The following TNRC6B variants were observed in gnomAD, a reference collection of about 807,000 sequenced individuals.
TNRC6B encodes trinucleotide repeat-containing gene 6B protein.
TNRC6B carries 52 observed loss-of-function variants against 203.6 expected under a neutral mutation model. The ratio of observed to expected loss-of-function variants is 0.26; its 90% CI spans 0.20 to 0.32. The LOEUF (loss-of-function observed/expected upper bound fraction) is 0.32, where lower values mean the gene tolerates loss of function less well. TNRC6B is among the 10% of genes least tolerant of loss of function. The pLI is 1.00. For synonymous variants in TNRC6B, 838 were observed against 845.7 expected, an observed-to-expected ratio of 0.99 and a Z score of 0.16; for missense variants, 1,923 against 2,286.2, an observed-to-expected ratio of 0.84 and a Z score of 3.24.
At chr22:40,058,183 G>A (rs1349549851) in intron 1 of TNRC6B, among the ~76,000 whole-genome samples, 6 of 152,130 alleles carry the variant, frequency 3.9e-5, no homozygotes, top group African/African-American at 1.4e-4. Flanking sequence ...CCATACCCCA[G>A]TATGTAGCCA....
At chr22:40,100,703 C>T (rs540343104) in intron 1 of TNRC6B, among the ~76,000 whole-genome samples, 2 of 152,262 alleles carry the variant, frequency 1.3e-5, no homozygotes, top group African/African-American at 4.8e-5. Flanking sequence ...CATTTTGTTT[C>T]AGGGACTTAA....
At chr22:40,141,625 A>G (rs1477603599) in intron 3 of TNRC6B, among the ~76,000 whole-genome samples, 2 of 152,118 alleles carry the variant, frequency 1.3e-5, no homozygotes, top group African/African-American at 4.8e-5. Flanking sequence ...AGAGAATTTT[A>G]AAAATTCACT....
intron 1 of TNRC6B, among the ~76,000 whole-genome samples, chr22:40,202,655 C>G (rs754459423): frequency 6.6e-6 from 1 of 152,080 alleles, no homozygotes; most frequent in Non-Finnish European, 1.5e-5. Context: ...CATAGCTTCA[C>G]GAAGACCAAA....
intron 19 of TNRC6B, among the ~76,000 whole-genome samples, chr22:40,314,978 C>T (rs993889009): frequency 1.3e-5 from 2 of 152,172 alleles, no homozygotes; most frequent in African/African-American, 4.8e-5. Flanking sequence ...AAGACTTTCT[C>T]CTTGAATGTG....
At chr22:40,186,866 GT>G (rs985265586) in intron 1 of TNRC6B, among the ~76,000 whole-genome samples, 6 of 151,522 alleles carry the variant, frequency 4.0e-5, no homozygotes, top group South Asian at 2.1e-4. Flanking sequence ...AACATTTTAC[GT>G]TTTTTTTGTA....
intron 3 of TNRC6B, among the ~76,000 whole-genome samples, chr22:40,256,459 A>C (rs184657902): frequency 3.3e-5 from 5 of 152,194 alleles, no homozygotes; most frequent in Non-Finnish European, 7.3e-5. Flanking sequence ...CTCACTGCCA[A>C]CTTTTTTGTA....
At chr22:40,103,075 CAAAAT>C (rs1201169331) in intron 1 of TNRC6B, among the ~76,000 whole-genome samples, 2 of 150,890 alleles carry the variant, frequency 1.3e-5, no homozygotes, top group African/African-American at 2.4e-5. Flanking sequence ...GAGTCTGTCT[CAAAAT>C]AAATAAATAA....
chr22:40,201,337 G>A (rs2069409454), intron 1 of TNRC6B, among the ~76,000 whole-genome samples: 1 of 152,116 alleles, frequency 6.6e-6, no homozygotes, highest in Non-Finnish European at 1.5e-5. Flanking sequence ...TGAGCAGTAT[G>A]AGATAAATAC....
At chr22:40,281,834 C>T (rs1346433670) in intron 11 of TNRC6B, among the ~76,000 whole-genome samples, 2 of 152,158 alleles carry the variant, frequency 1.3e-5, no homozygotes, top group Admixed American at 6.5e-5. Flanking sequence ...ATTGCTGAGA[C>T]ACAGCAGTGT....
chr22:40,263,168 T>C (rs527671906), intron 4 of TNRC6B, among the ~76,000 whole-genome samples: 3 of 152,312 alleles, frequency 2.0e-5, no homozygotes, highest in East Asian at 3.9e-4. Context: ...TTTGGGGTGA[T>C]ATTAAAATTC....
At chr22:40,062,743 G>T (rs1250389391) in intron 1 of TNRC6B, among the ~76,000 whole-genome samples, 1 of 151,936 alleles carries the variant, frequency 6.6e-6, no homozygotes, top group African/African-American at 2.4e-5. Flanking sequence ...GCACTTATTG[G>T]CTATTTGTAT....
rs143030815 is a variant in TNRC6B at position 40,212,296 on chromosome 22, G to T, written c.6-33719G>T. Among the ~76,000 whole-genome samples the T allele has an allele frequency of 4.6e-3, 694 of 152,336 alleles. 5 individuals carry two copies. Among genetic ancestry groups the T allele is most frequent in the African/African-American group, 0.016 (664 of 41,574 alleles). On this transcript the variant is annotated intron_variant, in intron 1 of 22. Transcript: ENST00000454349. Reference sequence around the variant, plus strand: ...ACATCTGTGACCTTGGACCCTGTCAGACATGCCCTGCCCACTGCATCCCTT... The same window carrying T: ...ACATCTGTGACCTTGGACCCTGTCATACATGCCCTGCCCACTGCATCCCTT...
Position 40,333,646 on chromosome 22 carries a change from C to G in TNRC6B, c.*10405C>G, listed in dbSNP as rs949350059. ...CATAGCCTTGTCACTTTGTTATGCT[C>G]TGGAAATGTACTGATTTCTTACTTG... On this transcript the variant is annotated 3_prime_UTR_variant, in exon 23 of 23. Coordinates refer to ENST00000454349, the MANE Select transcript of TNRC6B (RefSeq NM_001162501.2). 6.6e-6 allele frequency: 1 copy of G among 152,594 alleles called. No individual in the cohort carries two copies. Among genetic ancestry groups the G allele is most frequent in the Non-Finnish European group, 1.5e-5 (1 of 68,036 alleles). 9.5% of individuals were successfully genotyped at this position (152,594 alleles called of 1,614,324 possible). A position where few individuals can be genotyped will look rare whatever the true frequency, so the allele number is the denominator to read the frequency against.
intron 1 of TNRC6B, among the ~76,000 whole-genome samples, chr22:40,220,075 T>G (rs1411046635): frequency 6.6e-6 from 1 of 152,210 alleles, no homozygotes; most frequent in Non-Finnish European, 1.5e-5. Context: ...ATGATAGAGC[T>G]TACAAACTCC....
intron 1 of TNRC6B, among the ~76,000 whole-genome samples, chr22:40,225,873 T>G (rs62237980): frequency 0.097 from 14,795 of 152,100 alleles, 926 homozygotes; most frequent in South Asian, 0.15. Context: ...TAAGTAGAAA[T>G]TAGGTGTTGA....
chr22:40,069,861 G>A (rs192287687), intron 1 of TNRC6B, among the ~76,000 whole-genome samples: 3 of 152,190 alleles, frequency 2.0e-5, no homozygotes, highest in East Asian at 1.9e-4. Flanking sequence ...GATTTTCACG[G>A]CTATCAGTTA....
chr22:40,315,242 C>A (rs773927574), intron 19 of TNRC6B, 41 bp from the exon 20 acceptor site: 1 of 1,535,500 alleles, frequency 6.5e-7, no homozygotes, highest in South Asian at 1.1e-5. Context: ...CAAAAGTGAA[C>A]CGTCTAACCT....
chr22:40,072,230 T>C (rs1234284773), intron 1 of TNRC6B, among the ~76,000 whole-genome samples: 1 of 152,210 alleles, frequency 6.6e-6, no homozygotes, highest in African/African-American at 2.4e-5. Context: ...ATCTATTTAA[T>C]GAAAAATAAT....
At chr22:40,107,209 C>T (rs892882928) in intron 1 of TNRC6B, 1 of 481,860 alleles carries the variant, frequency 2.1e-6, no homozygotes, top group African/African-American at 2.0e-5. Flanking sequence ...GGCTATGAAG[C>T]ATTTTCCCAT....
Sources: gnomAD v4.1 joint callset for allele counts (sites outside exome capture counted in the v4.1 genomes callset) on GRCh38, gnomAD v4.1.1 for gene constraint, MANE v1.5 for transcripts, NCBI Gene and HGNC (gene_info 2026-07-23, HGNC 2026-07-21) for gene names.